The following SHB variants were observed in gnomAD, a reference collection of about 807,000 sequenced individuals.
SHB encodes the protein SH2 domain-containing adapter protein B.
A neutral mutation model predicts 52.3 loss-of-function variants in SHB; 20 were observed. That is an observed-to-expected ratio of 0.38 (90% confidence interval 0.27 to 0.56). The LOEUF (loss-of-function observed/expected upper bound fraction) is 0.56, where lower values mean the gene tolerates loss of function less well. Ranked by LOEUF, SHB falls within the 20% of genes least tolerant of loss-of-function variation. The pLI, the probability that SHB is intolerant of heterozygous loss-of-function variation, is 0.71. For missense variants in SHB, 825 were observed against 723.3 expected, an observed-to-expected ratio of 1.14 and a Z score of -1.61; for synonymous variants, 397 against 316.5, an observed-to-expected ratio of 1.25 and a Z score of -2.70.
At chr9:38,062,973 C>T (rs907795297) in intron 1 of SHB, among the ~76,000 whole-genome samples, 1 of 152,180 alleles carries the variant, frequency 6.6e-6, no homozygotes, top group Non-Finnish European at 1.5e-5. Flanking sequence ...GTAGCAACAG[C>T]TAATACAGTA....
chr9:37,933,693 T>G (rs958892222), intron 5 of SHB, among the ~76,000 whole-genome samples: 3 of 152,138 alleles, frequency 2.0e-5, no homozygotes, highest in Non-Finnish European at 4.4e-5. Flanking sequence ...TCCTCTGTAA[T>G]ATCCGCAATA....
chr9:37,960,049 A>G (rs896241714), intron 3 of SHB, among the ~76,000 whole-genome samples: 41 of 152,360 alleles, frequency 2.7e-4, no homozygotes, highest in Middle Eastern at 3.4e-3. Context: ...CCTAGTCAAC[A>G]ATGTAATTCC....
chr9:37,977,587 G>A (rs768345283), intron 2 of SHB, among the ~76,000 whole-genome samples: 8 of 152,184 alleles, frequency 5.3e-5, no homozygotes, highest in Non-Finnish European at 1.2e-4. Flanking sequence ...AAAAGAGAAG[G>A]GAAAAGAGTG....
At chr9:38,067,845 T>A in intron 1 of SHB, 84 bp downstream of exon 1, 1 of 1,353,996 alleles carries the variant, frequency 7.4e-7, no homozygotes, top group Non-Finnish European at 9.5e-7. Context: ...AAGTAGAGAC[T>A]CAACACCAGA....
chr9:38,019,963 A>G (rs542243450), intron 1 of SHB, among the ~76,000 whole-genome samples: 1 of 152,352 alleles, frequency 6.6e-6, no homozygotes, highest in South Asian at 2.1e-4. Context: ...TCTGAATGGA[A>G]AGCAAGCAAG....
At chr9:38,056,476 G>T (rs1392963475) in intron 1 of SHB, among the ~76,000 whole-genome samples, 1 of 152,112 alleles carries the variant, frequency 6.6e-6, no homozygotes, top group Non-Finnish European at 1.5e-5. Flanking sequence ...GGACTACAGG[G>T]GGATGCCACC....
At chr9:38,046,273 G>A (rs975770059) in intron 1 of SHB, among the ~76,000 whole-genome samples, 1 of 152,202 alleles carries the variant, frequency 6.6e-6, no homozygotes, top group African/African-American at 2.4e-5. Context: ...ACGTGGCCAG[G>A]CCTGCTCATT....
rs575867456 is a variant in SHB, at chr9:37,918,713, C to T, written c.*1108G>A. 1.3e-5 allele frequency among the ~76,000 whole-genome samples: 2 copies of T among 152,320 alleles called. No individual in the cohort carries two copies. Among genetic ancestry groups the T allele is most frequent in the Admixed American group, 6.5e-5 (1 of 15,302 alleles). On this transcript the variant is annotated 3_prime_UTR_variant, in exon 6 of 6. Transcript: ENST00000377707. Reference sequence around the variant, plus strand: ...GACGTTCCTTCTCTGTCTCCCTTTCCCTACATGCCAAATACCTCCCAGGTG... The same window carrying T: ...GACGTTCCTTCTCTGTCTCCCTTTCTCTACATGCCAAATACCTCCCAGGTG...
chr9:38,064,472 C>T (rs755763819), intron 1 of SHB, among the ~76,000 whole-genome samples: 6 of 152,190 alleles, frequency 3.9e-5, no homozygotes, highest in African/African-American at 9.6e-5. Flanking sequence ...TATGTTCACA[C>T]ACATGTATAC....
chr9:38,043,755 G>A (rs1380849824), intron 1 of SHB, among the ~76,000 whole-genome samples: 2 of 152,188 alleles, frequency 1.3e-5, no homozygotes, highest in Non-Finnish European at 2.9e-5. Flanking sequence ...TGGGTGTGGT[G>A]GCACATGCCT....
intron 2 of SHB, among the ~76,000 whole-genome samples, chr9:37,979,557 T>C (rs1237730118): frequency 6.6e-6 from 1 of 151,656 alleles, no homozygotes; most frequent in Non-Finnish European, 1.5e-5. Context: ...GTTTAAAAGA[T>C]TGCCCAGTCC....
At position 37,940,384 on chromosome 9, in the gene SHB, G is replaced by A. The variant is rs139864370; in HGVS notation, c.1346+8251C>T. ...GCATCTGCACATTCTAAAGTTCACT[G>A]TTCTCATTTAGTCCTCTGCAAAGAG... On this transcript the variant is annotated intron_variant, in intron 5 of 5. Transcript: ENST00000377707. 1.1e-4 allele frequency among the ~76,000 whole-genome samples: 17 copies of A among 152,356 alleles called. No homozygotes were observed. The East Asian group carries it at 3.3e-3, about 29-fold the overall frequency.
intron 2 of SHB, among the ~76,000 whole-genome samples, chr9:37,983,366 C>T (rs1354549259): frequency 6.6e-6 from 1 of 152,204 alleles, no homozygotes; most frequent in Non-Finnish European, 1.5e-5. Flanking sequence ...TGGGGACTGA[C>T]AGGTACCTGG....
chr9:38,016,297 C>T (rs910243890), intron 1 of SHB, among the ~76,000 whole-genome samples, 166 bp from the exon 2 acceptor site: 1 of 152,218 alleles, frequency 6.6e-6, no homozygotes. Context: ...ACAGGGGTAA[C>T]GAATGGGACC....
At chr9:38,034,684 G>GA (rs1821460073) in intron 1 of SHB, among the ~76,000 whole-genome samples, 1 of 152,104 alleles carries the variant, frequency 6.6e-6, no homozygotes, top group Admixed American at 6.5e-5. Flanking sequence ...AGTACTTCAT[G>GA]TTTTTGGTTT....
At chr9:37,957,195 G>A (rs906850977) in intron 3 of SHB, among the ~76,000 whole-genome samples, 2 of 152,160 alleles carry the variant, frequency 1.3e-5, no homozygotes, top group Admixed American at 1.3e-4. Flanking sequence ...CCAGCTGCAG[G>A]CTCACAAACA....
intron 2 of SHB, among the ~76,000 whole-genome samples, chr9:37,988,701 C>T (rs903577935): frequency 6.6e-6 from 1 of 152,140 alleles, no homozygotes; most frequent in African/African-American, 2.4e-5. Flanking sequence ...AAATATTATT[C>T]TGAGTGTTTC....
chr9:37,970,701 C>G (rs1222331566), intron 3 of SHB, among the ~76,000 whole-genome samples: 1 of 152,126 alleles, frequency 6.6e-6, no homozygotes, highest in African/African-American at 2.4e-5. Flanking sequence ...CCTCCCAGGA[C>G]ACGCCCTTTG....
chr9:37,960,619 T>C (rs1587214314), intron 3 of SHB, among the ~76,000 whole-genome samples: 2 of 152,320 alleles, frequency 1.3e-5, no homozygotes, highest in Non-Finnish European at 2.9e-5. Context: ...GCAGGACTCA[T>C]TCCTTGAGAC....
Sources: allele counts gnomAD v4.1 joint callset (sites outside exome capture counted in the v4.1 genomes callset), GRCh38; gene constraint gnomAD v4.1.1; transcripts MANE v1.5; gene names NCBI Gene and HGNC (gene_info 2026-07-23, HGNC 2026-07-21).